KAT7: variants seen among roughly 807,000 people sequenced by gnomAD.
The protein encoded by KAT7 is histone acetyltransferase KAT7.
In KAT7, 10 loss-of-function variants were observed where a neutral mutation model predicts 82.1. The ratio of observed to expected loss-of-function variants is 0.12; its 90% CI spans 0.08 to 0.21. KAT7 has a LOEUF of 0.21. Among genes scored for constraint, KAT7 ranks in the 10% least tolerant of loss-of-function variants. The probability of loss-of-function intolerance (pLI) is 1.00; values close to 1 mark genes in which losing one functional copy is unlikely to be tolerated. For synonymous variants in KAT7, 250 were observed against 262.5 expected, an observed-to-expected ratio of 0.95 and a Z score of 0.46; for missense variants, 378 against 760.9, an observed-to-expected ratio of 0.50 and a Z score of 5.92.
chr17:49,788,756 C>T lies in KAT7; in HGVS notation c.-79C>T, dbSNP rs1273812992. 6.7e-7 allele frequency: 1 copy of T among 1,496,314 alleles called. No individual in the cohort carries two copies. The highest frequency in any genetic ancestry group is 9.0e-7 in the Non-Finnish European group (1 of 1,105,220). The allele number at this position is 1,496,314 out of a possible 1,614,324, so 92.7% of individuals were successfully genotyped here. On this transcript the variant is annotated 5_prime_UTR_variant, in exon 1 of 15. Transcript: ENST00000259021. ...GGATTGGGACTGATACAGAGGCCGC[C>T]ACGGAGCCCGCCGGAGCCACCGTTC...
chr17:49,815,677 A>G lies in KAT7; in HGVS notation c.853-126A>G, dbSNP rs903603527. ...GTATGTCTTGTGCTCAATCCCTAGC[A>G]CCTAGTATGTAGGCACTAAATAAAT... On this transcript the variant is annotated intron_variant, in intron 7 of 14. Transcript: ENST00000259021. 5.3e-5 allele frequency: 34 copies of G among 638,634 alleles called. No individual in the cohort carries two copies. The African/African-American group carries it at 5.4e-4, about 10-fold the overall frequency. 39.6% of individuals were successfully genotyped at this position (638,634 alleles called of 1,614,324 possible).
chr17:49,826,749 C>G lies in KAT7; in HGVS notation c.1684C>G (p.Leu562Val). ...PVDIVSTLQA[L>V]QMLKYWKGKH... ...GGACATTGTCAGCACTCTGCAAGCC[C>G]TTCAGATGCTCAAATACTGGAAGGG... The change falls in exon 14 of 15, where the codon CTT (leucine) becomes GTT (valine). Residue 562 changes from leucine (L) to valine (V), a missense_variant. Physicochemically the swap from Leu to Val is conservative, Grantham distance 32. Transcript: ENST00000259021. 1 of 1,612,512 alleles carries G rather than the reference C, an allele frequency of 6.2e-7. No individual in the cohort carries two copies. Among genetic ancestry groups the G allele is most frequent in the Non-Finnish European group, 8.5e-7 (1 of 1,179,644 alleles).
chr17:49,794,549 G>T (rs538983686), intron 2 of KAT7, among the ~76,000 whole-genome samples: 2 of 152,196 alleles, frequency 1.3e-5, no homozygotes, highest in African/African-American at 4.8e-5. Flanking sequence ...GCCTCCCAAA[G>T]TGCTGGGATT....
intron 6 of KAT7, among the ~76,000 whole-genome samples, chr17:49,811,029 G>A (rs1280283855): frequency 6.6e-6 from 1 of 151,832 alleles, no homozygotes; most frequent in Non-Finnish European, 1.5e-5. Context: ...AAATAAAATT[G>A]CCATATGATT....
chr17:49,807,893 T>TGGGGTAGA (rs1378848168), intron 5 of KAT7, among the ~76,000 whole-genome samples: 80 of 152,306 alleles, frequency 5.3e-4, no homozygotes, highest in Middle Eastern at 3.4e-3. Flanking sequence ...TAGACAGTAT[T>TGGGGTAGA]GCCATTTATT....
chr17:49,822,152 C>G (rs1442427141), intron 11 of KAT7, among the ~76,000 whole-genome samples: 2 of 152,008 alleles, frequency 1.3e-5, no homozygotes, highest in Non-Finnish European at 2.9e-5. Context: ...CTCTTTTTGC[C>G]TGATTGTTTA....
chr17:49,800,417 C>T (rs1192666105), intron 4 of KAT7, among the ~76,000 whole-genome samples: 1 of 152,146 alleles, frequency 6.6e-6, no homozygotes, highest in African/African-American at 2.4e-5. Flanking sequence ...ATAATTGTTT[C>T]AGGCCTGCAT....
intron 8 of KAT7, among the ~76,000 whole-genome samples, chr17:49,817,341 A>G (rs1001665308): frequency 3.3e-5 from 5 of 152,138 alleles, no homozygotes; most frequent in African/African-American, 9.7e-5. Context: ...TATGGGTAGT[A>G]AGTTTTCTGT....
At chr17:49,794,333 T>C (rs529878120) in intron 2 of KAT7, among the ~76,000 whole-genome samples, 1 of 152,114 alleles carries the variant, frequency 6.6e-6, no homozygotes. Flanking sequence ...TCGCCCAGGC[T>C]GGAGTGCAGT....
chr17:49,792,252 G>T (rs2073900051), intron 2 of KAT7, among the ~76,000 whole-genome samples: 1 of 152,210 alleles, frequency 6.6e-6, no homozygotes, highest in Non-Finnish European at 1.5e-5. Flanking sequence ...AGGAACTGCG[G>T]ATGGTATAAT....
At chr17:49,801,977 A>G (rs907449236) in intron 4 of KAT7, among the ~76,000 whole-genome samples, 7 of 152,200 alleles carry the variant, frequency 4.6e-5, no homozygotes, top group Admixed American at 2.6e-4. Context: ...GTTTTTCTAC[A>G]TATATAAGCA....
chr17:49,792,958 C>T (rs575592162), intron 2 of KAT7, among the ~76,000 whole-genome samples: 1 of 152,130 alleles, frequency 6.6e-6, no homozygotes, highest in South Asian at 2.1e-4. Flanking sequence ...ACTACAGGTG[C>T]ACGCCACCAT....
chr17:49,802,010 C>T (rs149142220), intron 4 of KAT7, among the ~76,000 whole-genome samples: 194 of 152,200 alleles, frequency 1.3e-3, no homozygotes, highest in African/African-American at 4.5e-3. Context: ...CACATATTTC[C>T]TTTTTGTGAT....
intron 4 of KAT7, among the ~76,000 whole-genome samples, chr17:49,798,980 C>G (rs2073990467): frequency 6.6e-6 from 1 of 152,172 alleles, no homozygotes; most frequent in Non-Finnish European, 1.5e-5. Context: ...TGTCAAGAGG[C>G]TGTGAAATTA....
intron 4 of KAT7, among the ~76,000 whole-genome samples, chr17:49,805,039 A>G (rs1029559822): frequency 6.6e-6 from 1 of 152,170 alleles, no homozygotes; most frequent in Non-Finnish European, 1.5e-5. Context: ...CCACCAAAAG[A>G]AAGTGTTCCT....
At position 49,833,160 on chromosome 17, in the gene KAT7, ATTTG is replaced by A. The variant is rs2074438039; in HGVS notation, c.*5662_*5665del. The A allele has an allele frequency of 6.6e-6, 1 of 152,134 alleles. No individual in the cohort carries two copies. The highest frequency in any genetic ancestry group is 1.5e-5 in the Non-Finnish European group (1 of 68,006). 9.4% of individuals were successfully genotyped at this position (152,134 alleles called of 1,614,324 possible). Reference sequence around the variant, plus strand: ...GTTGTTACCATTTGGGGGTTTGCGGATTTGTTTACTTGTGCCCAAGAATGGAGAA... The same window carrying A: ...GTTGTTACCATTTGGGGGTTTGCGGATTTACTTGTGCCCAAGAATGGAGAA... On this transcript the variant is annotated 3_prime_UTR_variant, in exon 15 of 15. Coordinates refer to ENST00000259021, the MANE Select transcript of KAT7 (RefSeq NM_007067.5).
chr17:49,819,170 CATT>C (rs1388725690), intron 9 of KAT7, among the ~76,000 whole-genome samples: 16 of 152,240 alleles, frequency 1.1e-4, no homozygotes, highest in Middle Eastern at 6.8e-3. Context: ...TGATTTCTGT[CATT>C]ATACTCTTCT....
At chr17:49,801,130 A>G (rs1394965083) in intron 4 of KAT7, among the ~76,000 whole-genome samples, 2 of 152,190 alleles carry the variant, frequency 1.3e-5, no homozygotes, top group Non-Finnish European at 2.9e-5. Context: ...TTAATGGGGT[A>G]GACCATAGGG....
intron 7 of KAT7, among the ~76,000 whole-genome samples, chr17:49,813,460 A>G (rs1336732078): frequency 1.3e-5 from 2 of 152,190 alleles, no homozygotes; most frequent in African/African-American, 4.8e-5. Flanking sequence ...ATTCTTAAAC[A>G]TAGGGCATGT....
Sources: allele counts gnomAD v4.1 joint callset (sites outside exome capture counted in the v4.1 genomes callset), GRCh38; gene constraint gnomAD v4.1.1; transcripts MANE v1.5; gene names NCBI Gene and HGNC (gene_info 2026-07-23, HGNC 2026-07-21).